CNKSR3: variants seen among roughly 807,000 people sequenced by gnomAD.
CNKSR3 encodes the protein CNKSR family member 3.
A neutral mutation model predicts 67.7 loss-of-function variants in CNKSR3; 36 were observed. The ratio of observed to expected loss-of-function variants is 0.53; its 90% CI spans 0.41 to 0.70. The LOEUF is 0.70. Ranked by LOEUF, CNKSR3 falls within the 30% of genes least tolerant of loss-of-function variation. CNKSR3 has a pLI of 0.00. For synonymous variants in CNKSR3, 281 were observed against 271.4 expected (o/e 1.04, Z -0.35); for missense variants, 630 against 695.2 (o/e 0.91, Z 1.05).
At chr6:154,439,187 C>T (rs1785532084) in intron 4 of CNKSR3, among the ~76,000 whole-genome samples, 1 of 152,198 alleles carries the variant, frequency 6.6e-6, no homozygotes, top group South Asian at 2.1e-4. Context: ...AATATAACCA[C>T]ATATATTCAT....
chr6:154,407,817 GT>G (rs1325987064), intron 12 of CNKSR3, among the ~76,000 whole-genome samples: 2 of 110,582 alleles, frequency 1.8e-5, no homozygotes, highest in African/African-American at 3.5e-5. Flanking sequence ...TAAATTCTAA[GT>G]TTTCTAAATT....
rs142727240 is a variant in CNKSR3, at chr6:154,393,306, C to T, written c.*13048G>A. On this transcript the variant is annotated 3_prime_UTR_variant, in exon 13 of 13. Coordinates refer to ENST00000607772, the MANE Select transcript of CNKSR3 (RefSeq NM_173515.4). ...TACTCACTGCTAATTTAACCTCATA[C>T]ACATAATATACCAGATCCCACTGAT... The T allele has an allele frequency of 7.9e-5, 12 of 152,296 alleles. No individual in the cohort carries two copies. Among genetic ancestry groups the T allele is most frequent in the African/African-American group, 2.4e-4 (10 of 41,556 alleles). 9.4% of individuals were successfully genotyped at this position (152,296 alleles called of 1,614,324 possible). A position where few individuals can be genotyped will look rare whatever the true frequency, so the allele number is the denominator to read the frequency against.
At position 154,402,029 on chromosome 6, in the gene CNKSR3, A is replaced by G. The variant is rs1784722126; in HGVS notation, c.*4325T>C. ...CTGAAATTTCAGGTTTGGTGGGGAA[A>G]GAACTGAGAGAGAAGCAGAGATAGG... is the stretch of plus-strand genomic sequence containing the variant. On this transcript the variant is annotated 3_prime_UTR_variant, in exon 13 of 13. Transcript: ENST00000607772. 1 of 152,238 alleles carries G rather than the reference A, an allele frequency of 6.6e-6. No individual in the cohort carries two copies. Among genetic ancestry groups the G allele is most frequent in the Non-Finnish European group, 1.5e-5 (1 of 68,044 alleles). The allele number at this position is 152,238 out of a possible 1,614,324, so 9.4% of individuals were successfully genotyped here. A position where few individuals can be genotyped will look rare whatever the true frequency, so the allele number is the denominator to read the frequency against.
rs184587110 is a variant in CNKSR3 at position 154,392,161 on chromosome 6, G to A, written c.*14193C>T. On this transcript the variant is annotated 3_prime_UTR_variant, in exon 13 of 13. Transcript: ENST00000607772. ...GGAGGTGGAGGTTGCAGTGAGCCGA[G>A]ATGGAGCCACTGCACTCCAGCCTGG... 1 of 151,338 alleles carries A rather than the reference G, an allele frequency of 6.6e-6. No individual in the cohort carries two copies. Among genetic ancestry groups the A allele is most frequent in the East Asian group, 1.9e-4 (1 of 5,140 alleles). The allele number at this position is 151,338 out of a possible 1,614,324, so 9.4% of individuals were successfully genotyped here.
At chr6:154,410,849 T>C in intron 11 of CNKSR3, 85 bp downstream of exon 11, 1 of 1,077,868 alleles carries the variant, frequency 9.3e-7, no homozygotes, top group South Asian at 1.5e-5. Context: ...GTCTGCCAAA[T>C]TCATCCAACA....
chr6:154,422,705 A>G, intron 8 of CNKSR3, 53 bp from the exon 9 acceptor site: 1 of 1,593,422 alleles, frequency 6.3e-7, no homozygotes, highest in South Asian at 1.1e-5. Context: ...AACGAAAAAA[A>G]CCGAACCTAT....
intron 1 of CNKSR3, among the ~76,000 whole-genome samples, chr6:154,490,582 C>T (rs182179090): frequency 2.8e-4 from 42 of 152,296 alleles, no homozygotes; most frequent in African/African-American, 9.6e-4. Flanking sequence ...AAAGGAAGGC[C>T]ACGAAAAGAT....
chr6:154,422,785 T>C, intron 8 of CNKSR3, 130 bp downstream of exon 8: 2 of 1,154,058 alleles, frequency 1.7e-6, no homozygotes, highest in South Asian at 2.7e-5. Flanking sequence ...GTAAGTATGC[T>C]CATGTTAGCA....
rs986529851 is a variant in CNKSR3, at chr6:154,441,302, G to A, written c.497C>T (p.Thr166Ile). The A allele has an allele frequency of 4.4e-6, 7 of 1,593,576 alleles. No individual in the cohort carries two copies. The highest frequency in any genetic ancestry group is 6.0e-6 in the Non-Finnish European group (7 of 1,162,830). Residue 166 changes from threonine (T) to isoleucine (I), a missense_variant, in exon 4 of 13, where the codon ACA becomes ATA. Thr to Ile is a moderately conservative substitution (Grantham distance 89, BLOSUM62 -1). This residue lies in a region of CNKSR3 where 189 missense variants were observed against 205.0 expected (regional missense o/e 0.92). Coordinates refer to ENST00000607772, the MANE Select transcript of CNKSR3 (RefSeq NM_173515.4). Reference sequence around the variant, plus strand: ...TGACATACTACTGACCTTCTGGACTGTAGTGGTCAGGTCCAAGCAAAGCTG... The same window carrying A: ...TGACATACTACTGACCTTCTGGACTATAGTGGTCAGGTCCAAGCAAAGCTG... ...IIQLCLDLTT[T>I]VQKDCFVAEM...
chr6:154,438,512 G>T (rs1262379009), intron 4 of CNKSR3, among the ~76,000 whole-genome samples: 2 of 151,850 alleles, frequency 1.3e-5, no homozygotes, highest in East Asian at 3.9e-4. Context: ...AAATTATCTG[G>T]TAAGGTAAAT....
intron 1 of CNKSR3, among the ~76,000 whole-genome samples, chr6:154,462,201 C>T (rs942645497): frequency 3.0e-4 from 45 of 152,092 alleles, no homozygotes; most frequent in African/African-American, 1.1e-3. Flanking sequence ...AACACCCCCT[C>T]ACCAAAGAAA....
chr6:154,439,785 A>T (rs1182795956), intron 4 of CNKSR3, among the ~76,000 whole-genome samples: 2 of 152,180 alleles, frequency 1.3e-5, no homozygotes, highest in East Asian at 3.9e-4. Context: ...CCAGCTATCC[A>T]GGAGGCTAAA....
In CNKSR3 at chr6:154,398,243, T is replaced by G. The variant is rs1297255415; in HGVS notation, c.*8111A>C. 4 of 152,088 alleles carry G rather than the reference T, an allele frequency of 2.6e-5. No homozygotes were observed. Among genetic ancestry groups the G allele is most frequent in the Non-Finnish European group, 5.9e-5 (4 of 68,024 alleles). The allele number at this position is 152,088 out of a possible 1,614,324, so 9.4% of individuals were successfully genotyped here. On this transcript the variant is annotated 3_prime_UTR_variant, in exon 13 of 13. Coordinates refer to ENST00000607772, the MANE Select transcript of CNKSR3 (RefSeq NM_173515.4). ...ATGAAAGTCCTTCCAGAAACAACAT[T>G]CAGGATGACGGCATCAGTGTTAGCC...
At chr6:154,439,675 C>G (rs11756980) in intron 4 of CNKSR3, among the ~76,000 whole-genome samples, 1 of 151,924 alleles carries the variant, frequency 6.6e-6, no homozygotes, top group African/African-American at 2.4e-5. Flanking sequence ...GGGAATTACT[C>G]GAGGCCAGGA....
At chr6:154,449,179 T>A (rs1490506986) in intron 2 of CNKSR3, among the ~76,000 whole-genome samples, 3 of 152,220 alleles carry the variant, frequency 2.0e-5, no homozygotes, top group Non-Finnish European at 4.4e-5. Context: ...AAGGCCACAT[T>A]TTTTTCCCAT....
intron 1 of CNKSR3, among the ~76,000 whole-genome samples, chr6:154,461,837 G>T (rs529069302): frequency 6.6e-6 from 1 of 152,342 alleles, no homozygotes; most frequent in Non-Finnish European, 1.5e-5. Flanking sequence ...AATTGTGAAA[G>T]GAGAGCATGA....
intron 5 of CNKSR3, 39 bp downstream of exon 5, chr6:154,433,426 GA>G: frequency 5.7e-6 from 8 of 1,407,318 alleles, no homozygotes; most frequent in Non-Finnish European, 7.9e-6. Context: ...ACTGCCTTTG[GA>G]AAATGAATTT....
Position 154,450,336 on chromosome 6 carries a change from A to T in CNKSR3, c.53-78T>A, listed in dbSNP as rs865850766. On this transcript the variant is annotated intron_variant, in intron 1 of 12. Coordinates refer to ENST00000607772, the MANE Select transcript of CNKSR3 (RefSeq NM_173515.4). ...CCCCTGCAAACTGCCCACATGTCAC[A>T]TCAATCTCAGCAATCAACAATTATG... The T allele has an allele frequency of 1.1e-5, 15 of 1,406,194 alleles. No individual in the cohort carries two copies. In the Middle Eastern group the frequency reaches 2.3e-3, roughly 220 times the overall value. 87.1% of individuals were successfully genotyped at this position (1,406,194 alleles called of 1,614,324 possible).
Position 154,442,147 on chromosome 6 carries a change from G to A in CNKSR3, c.360C>T (p.Phe120=), listed in dbSNP as rs745908180. 4 of 1,614,130 alleles carry A rather than the reference G, an allele frequency of 2.5e-6. No homozygotes were observed. The highest frequency in any genetic ancestry group is 2.2e-5 in the East Asian group (1 of 44,886). The change falls in exon 3 of 13, where the codon TTC becomes TTT. Residue 120 remains phenylalanine, a synonymous_variant. Coordinates refer to ENST00000607772, the MANE Select transcript of CNKSR3 (RefSeq NM_173515.4). ...CGATGAGCTCCACCACCGAGGTCAGGAACTCATTGGGGGCCTTGCGGGAGG... is the reference window on the plus strand; with the variant it reads ...CGATGAGCTCCACCACCGAGGTCAGAAACTCATTGGGGGCCTTGCGGGAGG... ...GNTSRKAPNE[F]LTSVVELIGA...
Sources: gnomAD v4.1 joint callset for allele counts (sites outside exome capture counted in the v4.1 genomes callset) on GRCh38, gnomAD v4.1.1 for gene constraint, gnomAD v4.1.1 regional missense constraint, MANE v1.5 for transcripts, NCBI Gene and HGNC (gene_info 2026-07-23, HGNC 2026-07-21) for gene names.